Variants in C1QTNF3 observed in about 807,000 individuals in gnomAD.
C1QTNF3 encodes C1q and TNF related 3.
Under a neutral mutation model 32.6 loss-of-function variants are expected in C1QTNF3, and 26 were observed. The ratio of observed to expected loss-of-function variants is 0.80; its 90% CI spans 0.58 to 1.11. The LOEUF is 1.11. C1QTNF3 is among the 50% of genes least tolerant of loss of function. The pLI is 0.00. For synonymous variants in C1QTNF3, 155 were observed against 146.0 expected (o/e 1.06, Z -0.44); for missense variants, 362 against 398.2 (o/e 0.91, Z 0.77).
the C1QTNF3 span, among the ~76,000 whole-genome samples, chr5:34,241,389 C>T: frequency 2.0e-5 from 3 of 150,666 alleles, no homozygotes; most frequent in Non-Finnish European, 4.4e-5. Context: ...ACCTAAAAAA[C>T]CTTAAAGACT....
the C1QTNF3 span, among the ~76,000 whole-genome samples, chr5:34,174,647 G>T: frequency 2.0e-5 from 3 of 152,144 alleles, no homozygotes; most frequent in Non-Finnish European, 4.4e-5. Context: ...CTGAGTTTAT[G>T]GAAAGTCCAT....
At chr5:34,160,134 C>A in the C1QTNF3 span, among the ~76,000 whole-genome samples, 3 of 152,150 alleles carry the variant, frequency 2.0e-5, no homozygotes, top group Non-Finnish European at 4.4e-5. Flanking sequence ...GCATTACAAT[C>A]CACAATGGAT....
At chr5:34,240,435 G>A in the C1QTNF3 span, among the ~76,000 whole-genome samples, 1 of 150,318 alleles carries the variant, frequency 6.7e-6, no homozygotes, top group Non-Finnish European at 1.5e-5. Flanking sequence ...TGACAAAAAC[G>A]ACATTAAAAA....
chr5:34,207,275 G>GAT, the C1QTNF3 span, among the ~76,000 whole-genome samples: 3,152 of 138,600 alleles, frequency 0.023, 6 homozygotes, highest in Non-Finnish European at 0.029. Flanking sequence ...TCAAATTTGA[G>GAT]ATATATATAT....
At chr5:34,214,558 G>A in the C1QTNF3 span, among the ~76,000 whole-genome samples, 5 of 151,780 alleles carry the variant, frequency 3.3e-5, no homozygotes, top group Non-Finnish European at 1.5e-5. Context: ...CTATTTAAGT[G>A]CCACATTCTA....
the C1QTNF3 span, among the ~76,000 whole-genome samples, chr5:34,229,954 T>C: frequency 1.3e-5 from 2 of 152,078 alleles, no homozygotes; most frequent in Admixed American, 6.6e-5. Flanking sequence ...CACCCTTCTC[T>C]TTCTCTCTCC....
chr5:34,067,194 A>G, the C1QTNF3 span, among the ~76,000 whole-genome samples: 16 of 152,204 alleles, frequency 1.1e-4, no homozygotes, highest in Admixed American at 3.3e-4. Context: ...GCCATTCAAC[A>G]AGTCTCTAGG....
the C1QTNF3 span, among the ~76,000 whole-genome samples, chr5:34,048,860 T>C: frequency 6.6e-6 from 1 of 151,914 alleles, no homozygotes; most frequent in Non-Finnish European, 1.5e-5. Context: ...TAAAACCTGA[T>C]GCACCAGTCT....
At chr5:34,036,125 T>C (rs1457942114) in intron 1 of C1QTNF3, among the ~76,000 whole-genome samples, 1 of 152,232 alleles carries the variant, frequency 6.6e-6, no homozygotes, top group Non-Finnish European at 1.5e-5. Context: ...CCAACTGCCA[T>C]AGCCCCAGAT....
the C1QTNF3 span, chr5:34,168,583 GT>G: frequency 1.4e-4 from 22 of 151,784 alleles, no homozygotes; most frequent in Non-Finnish European, 2.9e-4. Context: ...TCAAGCCAAA[GT>G]TTTCCTCCAT....
chr5:34,109,868 TATAC>T, the C1QTNF3 span, among the ~76,000 whole-genome samples: 58 of 152,408 alleles, frequency 3.8e-4, no homozygotes, highest in Admixed American at 1.4e-3. Context: ...ATGGAGCAGC[TATAC>T]ATGGTGGCTC....
At chr5:34,031,201 AAGTT>A in intron 3 of C1QTNF3, among the ~76,000 whole-genome samples, 1 of 152,336 alleles carries the variant, frequency 6.6e-6, no homozygotes, top group East Asian at 1.9e-4. Context: ...AACTGAGTGT[AAGTT>A]AGATTAATAA....
At chr5:34,211,426 A>C in the C1QTNF3 span, among the ~76,000 whole-genome samples, 1 of 151,972 alleles carries the variant, frequency 6.6e-6, no homozygotes, top group South Asian at 2.1e-4. Flanking sequence ...GTTTTAGGGT[A>C]CATGTGCACA....
At chr5:34,139,606 AT>A in the C1QTNF3 span, among the ~76,000 whole-genome samples, 2 of 151,000 alleles carry the variant, frequency 1.3e-5, no homozygotes, top group Non-Finnish European at 3.0e-5. Flanking sequence ...GAAACAATAT[AT>A]TTTTTTTTAC....
chr5:34,038,570 T>C (rs1245591463), intron 1 of C1QTNF3, among the ~76,000 whole-genome samples: 1 of 152,148 alleles, frequency 6.6e-6, no homozygotes, highest in Non-Finnish European at 1.5e-5. Context: ...ATTTCTTTAT[T>C]TGACTAAGAA....
At chr5:34,218,747 T>A in the C1QTNF3 span, among the ~76,000 whole-genome samples, 1 of 152,164 alleles carries the variant, frequency 6.6e-6, no homozygotes, top group African/African-American at 2.4e-5. Context: ...GTAAACGAGA[T>A]ATTTCACTGC....
chr5:34,067,856 T>A, the C1QTNF3 span, among the ~76,000 whole-genome samples: 1,403 of 152,328 alleles, frequency 9.2e-3, 14 homozygotes, highest in South Asian at 0.055. Context: ...TATACATTTT[T>A]AAATGTTCAT....
the C1QTNF3 span, among the ~76,000 whole-genome samples, chr5:34,062,823 T>C: frequency 2.6e-5 from 4 of 152,254 alleles, no homozygotes; most frequent in South Asian, 8.3e-4. Context: ...TCTAACAGAA[T>C]GGCCCCATAC....
At chr5:34,218,421 G>C in the C1QTNF3 span, 65 of 151,286 alleles carry the variant, frequency 4.3e-4, no homozygotes, top group African/African-American at 1.6e-3. Context: ...CTGTTGCATT[G>C]TGTGGAGTGC....
Sources: gnomAD v4.1 joint callset for allele counts (sites outside exome capture counted in the v4.1 genomes callset) on GRCh38, gnomAD v4.1.1 for gene constraint, MANE v1.5 for transcripts, NCBI Gene and HGNC (gene_info 2026-07-23, HGNC 2026-07-21) for gene names.